Variants in CCNJL observed in about 807,000 individuals in gnomAD.
CCNJL encodes cyclin-J-like protein.
A neutral mutation model predicts 33.4 loss-of-function variants in CCNJL; 33 were observed. The ratio of observed to expected loss-of-function variants is 0.99; its 90% CI spans 0.75 to 1.32. The LOEUF (loss-of-function observed/expected upper bound fraction) is 1.32. Ranked by LOEUF, CCNJL falls within the 40% of genes most tolerant of loss-of-function variation. The pLI is 0.00. For synonymous variants in CCNJL, 227 were observed against 220.9 expected (o/e 1.03, Z -0.24); for missense variants, 512 against 499.7 (o/e 1.02, Z -0.23).
intron 1 of CCNJL, among the ~76,000 whole-genome samples, chr5:160,327,641 C>T (rs931472932): frequency 2.0e-5 from 3 of 152,320 alleles, no homozygotes; most frequent in Admixed American, 6.5e-5. Context: ...ATATGGCCCC[C>T]GTCCTTCAGA....
rs965274125 is a variant in CCNJL, at chr5:160,253,454, T to C, written c.1088A>G (p.His363Arg). 4 of 1,613,082 alleles carry C rather than the reference T, an allele frequency of 2.5e-6. No homozygotes were observed. Among genetic ancestry groups the C allele is most frequent in the Non-Finnish European group, 2.5e-6 (3 of 1,179,522 alleles). The change falls in exon 6 of 6, where the codon CAC (histidine) becomes CGC (arginine). Residue 363 changes from histidine to arginine, a missense_variant. Coordinates refer to ENST00000257536, the MANE Select transcript of CCNJL (RefSeq NM_001308173.3). ...GCTTCCATAGGTGGTGGCGAGGCAG[T>C]GCCTGGGCTCAGCTGCAATGGCCAT... ...MHMAIAAEPR[H>R]CLATTYGSSY... is the part of the protein sequence containing the mutation.
At chr5:160,318,023 G>GTT (rs1385329664) in intron 1 of CCNJL, among the ~76,000 whole-genome samples, 9 of 141,932 alleles carry the variant, frequency 6.3e-5, no homozygotes, top group East Asian at 4.1e-4. Context: ...TTCTTTTTTT[G>GTT]TTTTTTTTTT....
intron 2 of CCNJL, among the ~76,000 whole-genome samples, chr5:160,292,968 G>A (rs959180785): frequency 2.0e-5 from 3 of 152,222 alleles, no homozygotes; most frequent in African/African-American, 7.2e-5. Flanking sequence ...GGATGGCTCA[G>A]AGAGACTAAG....
intron 2 of CCNJL, among the ~76,000 whole-genome samples, chr5:160,284,068 T>C (rs939988883): frequency 1.9e-4 from 29 of 152,198 alleles, no homozygotes; most frequent in Non-Finnish European, 3.4e-4. Context: ...AAGCTAAATT[T>C]TGGCTAGGTG....
At chr5:160,289,112 C>T (rs776089987) in intron 2 of CCNJL, among the ~76,000 whole-genome samples, 3 of 152,146 alleles carry the variant, frequency 2.0e-5, no homozygotes, top group African/African-American at 4.8e-5. Flanking sequence ...CTTCAGGTCC[C>T]TGTTCAGACC....
At chr5:160,269,349 T>C (rs1761736525) in intron 3 of CCNJL, 2 of 452,188 alleles carry the variant, frequency 4.4e-6, no homozygotes, top group South Asian at 3.1e-5. Context: ...AGCTGGCATC[T>C]GGGGCCTGCA....
At chr5:160,294,782 A>AG (rs1416385660) in intron 2 of CCNJL, 1 of 152,198 alleles carries the variant, frequency 6.6e-6, no homozygotes, top group East Asian at 1.9e-4. Context: ...TCTGTTATCC[A>AG]GGGGAAGAGG....
chr5:160,253,865 C>T lies in CCNJL; in HGVS notation c.744-67G>A, dbSNP rs563335624. 7.6e-5 allele frequency: 98 copies of T among 1,291,484 alleles called. No individual in the cohort carries two copies. In the African/African-American group the frequency reaches 1.2e-3, roughly 16 times the overall value. 80.0% of individuals were successfully genotyped at this position (1,291,484 alleles called of 1,614,324 possible). A position where few individuals can be genotyped will look rare whatever the true frequency, so the allele number is the denominator to read the frequency against. On this transcript the variant is annotated intron_variant, in intron 5 of 5. Coordinates refer to ENST00000257536, the MANE Select transcript of CCNJL (RefSeq NM_001308173.3). ...CACCAGATGCCTGTGTGTGTCTCTA[C>T]CTGTCTTGCTAAGTGGGACTGGAAG...
At chr5:160,279,844 T>C (rs1323707798) in intron 3 of CCNJL, among the ~76,000 whole-genome samples, 1 of 152,126 alleles carries the variant, frequency 6.6e-6, no homozygotes, top group African/African-American at 2.4e-5. Flanking sequence ...CATGGGATGA[T>C]GTTAAGTGGA....
rs1260207017 is a variant in CCNJL at position 160,252,271 on chromosome 5, T to C, written c.*1107A>G. The C allele has an allele frequency of 1.3e-5, 2 of 152,516 alleles. No individual in the cohort carries two copies. Among genetic ancestry groups the C allele is most frequent in the African/African-American group, 4.8e-5 (2 of 41,420 alleles). The allele number at this position is 152,516 out of a possible 1,614,324, so 9.4% of individuals were successfully genotyped here. A position where few individuals can be genotyped will look rare whatever the true frequency, so the allele number is the denominator to read the frequency against. ...ATCCAACCAGTCGCTTGCCTATCAA[T>C]GGTGGTATCAAACGCCCATGTACAT... On this transcript the variant is annotated 3_prime_UTR_variant, in exon 6 of 6. Transcript: ENST00000257536.
chr5:160,319,012 C>T lies in CCNJL; in HGVS notation n.207-3507G>A, dbSNP rs1039954410. ...CTCACAACAAGTTGAGAGAGGGCTC[C>T]GTAAACTGTCCAAAAACTATCTCAC... On this transcript the variant is annotated intron_variant and non_coding_transcript_variant, in intron 1 of 7. Coordinates refer to the CCNJL transcript ENST00000377503. 3.9e-5 allele frequency among the ~76,000 whole-genome samples: 6 copies of T among 152,172 alleles called. No individual in the cohort carries two copies. In the East Asian group the frequency reaches 5.8e-4, roughly 15 times the overall value.
chr5:160,326,644 T>A (rs1468643264), intron 1 of CCNJL: 1 of 712,214 alleles, frequency 1.4e-6, no homozygotes, highest in Admixed American at 1.9e-5. Flanking sequence ...GTTCTTAGAG[T>A]TAAAAGCTTG....
chr5:160,268,525 T>C (rs764738298), intron 3 of CCNJL, among the ~76,000 whole-genome samples: 7 of 152,192 alleles, frequency 4.6e-5, no homozygotes, highest in East Asian at 1.9e-4. Context: ...ACAGCTACAA[T>C]GACAGTGGTT....
At chr5:160,306,465 A>G (rs1357858222) in intron 2 of CCNJL, among the ~76,000 whole-genome samples, 1 of 152,098 alleles carries the variant, frequency 6.6e-6, no homozygotes, top group African/African-American at 2.4e-5. Flanking sequence ...CACCCAGTGG[A>G]CGAGAAGGAG....
At chr5:160,331,383 C>A (rs1763606248) in intron 1 of CCNJL, among the ~76,000 whole-genome samples, 1 of 151,976 alleles carries the variant, frequency 6.6e-6, no homozygotes, top group African/African-American at 2.4e-5. Context: ...ACCACCACGC[C>A]CGGCTAATTT....
intron 2 of CCNJL, chr5:160,281,417 G>GT (rs1211402691): frequency 1.3e-5 from 2 of 154,800 alleles, no homozygotes; most frequent in Non-Finnish European, 2.9e-5. Context: ...TTTTCTAAAA[G>GT]TAAGTTCAGA....
intron 2 of CCNJL, among the ~76,000 whole-genome samples, chr5:160,299,110 T>C (rs1223984466): frequency 6.6e-6 from 1 of 152,012 alleles, no homozygotes; most frequent in Non-Finnish European, 1.5e-5. Context: ...TTCCAAGTAG[T>C]TGGGATTACA....
chr5:160,274,568 C>T (rs111300271), intron 3 of CCNJL, among the ~76,000 whole-genome samples: 4 of 152,176 alleles, frequency 2.6e-5, no homozygotes, highest in African/African-American at 9.7e-5. Flanking sequence ...AGGACCAGAG[C>T]CAGAGACGGG....
chr5:160,320,676 A>G (rs970844986), intron 1 of CCNJL, among the ~76,000 whole-genome samples: 4 of 152,206 alleles, frequency 2.6e-5, no homozygotes, highest in African/African-American at 9.7e-5. Flanking sequence ...ATTGGTGCCC[A>G]CTATTGCCAG....
Sources: gnomAD v4.1 joint callset for allele counts (sites outside exome capture counted in the v4.1 genomes callset) on GRCh38, gnomAD v4.1.1 for gene constraint, MANE v1.5 for transcripts, NCBI Gene and HGNC (gene_info 2026-07-23, HGNC 2026-07-21) for gene names.